ITCH: variants seen among roughly 807,000 people sequenced by gnomAD.
ITCH encodes E3 ubiquitin-protein ligase Itchy homolog.
A neutral mutation model predicts 126.8 loss-of-function variants in ITCH; 28 were observed. The ratio of observed to expected loss-of-function variants is 0.22; its 90% CI spans 0.16 to 0.30. The LOEUF is 0.30. ITCH is among the 10% of genes least tolerant of loss of function. The pLI, the probability that ITCH is intolerant of heterozygous loss-of-function variation, is 1.00. For missense variants in ITCH, 631 were observed against 1,032.4 expected (o/e 0.61, Z 5.33); for synonymous variants, 342 against 340.0 (o/e 1.01, Z -0.06).
chr20:34,480,465 T>C, intron 18 of ITCH, 134 bp from the exon 19 acceptor site: 1 of 1,027,392 alleles, frequency 9.7e-7, no homozygotes, highest in South Asian at 1.3e-5. Flanking sequence ...GCCTCCCAGA[T>C]TGCTGGGATT....
chr20:34,471,618 A>T, intron 16 of ITCH, 103 bp downstream of exon 16: 1 of 759,884 alleles, frequency 1.3e-6, no homozygotes, highest in Non-Finnish European at 2.3e-6. Context: ...TCTTGAGTTG[A>T]AGTCCTTGAA....
chr20:34,456,822 T>C (rs1302494477), intron 12 of ITCH, among the ~76,000 whole-genome samples: 1 of 151,592 alleles, frequency 6.6e-6, no homozygotes, highest in Non-Finnish European at 1.5e-5. Flanking sequence ...GCTCAAGCAA[T>C]CTACTTGCCT....
intron 3 of ITCH, among the ~76,000 whole-genome samples, chr20:34,406,038 TTA>T (rs1220914217): frequency 2.0e-5 from 3 of 151,986 alleles, no homozygotes; most frequent in Admixed American, 6.6e-5. Context: ...TTTTTTTTTT[TTA>T]AAAGACAGTT....
chr20:34,364,724 C>CAAAAAAAAAAAAAAAAAAAAAA (rs1171765663), intron 1 of ITCH, among the ~76,000 whole-genome samples: 7 of 45,534 alleles, frequency 1.5e-4, no homozygotes, highest in East Asian at 6.5e-4. Flanking sequence ...ACTAAAAATA[C>CAAAAAAAAAAAAAAAAAAAAAA]AAAAAAAAAA....
At chr20:34,396,684 G>T (rs953472726) in intron 3 of ITCH, among the ~76,000 whole-genome samples, 8 of 151,794 alleles carry the variant, frequency 5.3e-5, no homozygotes, top group Admixed American at 2.0e-4. Context: ...CCCTATTGTG[G>T]TTTTGGCTTG....
At chr20:34,408,910 CTT>C (rs1214512036) in intron 4 of ITCH, 118 bp downstream of exon 4, 943 of 763,904 alleles carry the variant, frequency 1.2e-3, no homozygotes, top group Non-Finnish European at 1.3e-3. Context: ...TTTCTCTCTT[CTT>C]TTTTTTTTTT....
At chr20:34,491,979 A>T (rs1989548342) in intron 22 of ITCH, among the ~76,000 whole-genome samples, 4 of 151,772 alleles carry the variant, frequency 2.6e-5, no homozygotes, top group Admixed American at 1.3e-4. Flanking sequence ...ATCCTATAGG[A>T]CGGGCAAATC....
chr20:34,459,726 ACT>A (rs1388364028), intron 13 of ITCH, among the ~76,000 whole-genome samples: 1 of 152,124 alleles, frequency 6.6e-6, no homozygotes, highest in Non-Finnish European at 1.5e-5. Flanking sequence ...ACAGAGTGTG[ACT>A]CTGCCTCAAA....
chr20:34,504,548 T>C (rs746688949), intron 24 of ITCH, 145 bp downstream of exon 24: 19 of 681,054 alleles, frequency 2.8e-5, no homozygotes, highest in East Asian at 5.5e-5. Context: ...GAGCATTTTG[T>C]TCACCCCTGT....
intron 3 of ITCH, chr20:34,402,572 C>G (rs1170885054): frequency 1.4e-6 from 1 of 704,926 alleles, no homozygotes; most frequent in Non-Finnish European, 2.7e-6. Context: ...GTATATGGTT[C>G]TCTACCAGTC....
chr20:34,420,234 A>C (rs569189232), intron 6 of ITCH, among the ~76,000 whole-genome samples: 1 of 152,004 alleles, frequency 6.6e-6, no homozygotes, highest in Non-Finnish European at 1.5e-5. Flanking sequence ...TAGAAAAAAA[A>C]CCCCATTTCT....
At position 34,510,725 on chromosome 20, in the gene ITCH, A is replaced by G. The variant is rs930584302; in HGVS notation, c.*2931A>G. The G allele has an allele frequency of 1.3e-5, 2 of 152,174 alleles. No homozygotes were observed. Among genetic ancestry groups the G allele is most frequent in the Non-Finnish European group, 1.5e-5 (1 of 68,032 alleles). 9.4% of individuals were successfully genotyped at this position (152,174 alleles called of 1,614,324 possible). A position where few individuals can be genotyped will look rare whatever the true frequency, so the allele number is the denominator to read the frequency against. ...ATTTCATAAGACTTACAATAACTCTATTTAAAATTCAGGTATTGTACTCGG... is the reference window on the plus strand; with the variant it reads ...ATTTCATAAGACTTACAATAACTCTGTTTAAAATTCAGGTATTGTACTCGG... On this transcript the variant is annotated 3_prime_UTR_variant, in exon 25 of 25. Transcript: ENST00000374864.
intron 16 of ITCH, 106 bp from the exon 17 acceptor site, chr20:34,477,666 A>T (rs1988362034): frequency 1.1e-6 from 1 of 944,084 alleles, no homozygotes. Context: ...TTTCTGTGTC[A>T]TGGGAGATTT....
chr20:34,373,689 C>T (rs543174000), intron 2 of ITCH, among the ~76,000 whole-genome samples: 1 of 152,164 alleles, frequency 6.6e-6, no homozygotes, highest in East Asian at 1.9e-4. Context: ...ATTGCTTACC[C>T]TAATAGATCT....
chr20:34,459,046 C>G (rs1427745096), intron 13 of ITCH, among the ~76,000 whole-genome samples: 1 of 152,148 alleles, frequency 6.6e-6, no homozygotes, highest in Non-Finnish European at 1.5e-5. Flanking sequence ...CTGCTGCCCT[C>G]ACTTCAGACA....
intron 14 of ITCH, among the ~76,000 whole-genome samples, chr20:34,463,048 G>A (rs1986690555): frequency 6.6e-6 from 1 of 152,076 alleles, no homozygotes; most frequent in South Asian, 2.1e-4. Flanking sequence ...AAATAATGCT[G>A]CTCTGAACAT....
intron 23 of ITCH, among the ~76,000 whole-genome samples, chr20:34,493,681 G>T (rs1989668923): frequency 6.6e-6 from 1 of 152,206 alleles, no homozygotes; most frequent in South Asian, 2.1e-4. Context: ...CGTTGTAGAT[G>T]TTGGGGGAGG....
intron 7 of ITCH, among the ~76,000 whole-genome samples, chr20:34,432,511 T>C (rs956319932): frequency 1.3e-5 from 2 of 152,212 alleles, no homozygotes; most frequent in African/African-American, 4.8e-5. Flanking sequence ...GAAATATTGT[T>C]CATCTTTAAT....
chr20:34,394,637 C>G (rs958909508), intron 3 of ITCH, among the ~76,000 whole-genome samples: 5 of 152,106 alleles, frequency 3.3e-5, no homozygotes, highest in African/African-American at 1.2e-4. Context: ...CCCACTAGGG[C>G]CTGACAAAAG....
Sources: allele counts gnomAD v4.1 joint callset (sites outside exome capture counted in the v4.1 genomes callset), GRCh38; gene constraint gnomAD v4.1.1; transcripts MANE v1.5; gene names NCBI Gene and HGNC (gene_info 2026-07-23, HGNC 2026-07-21).